Variants in ATAD3A observed in about 807,000 individuals in gnomAD.
ATAD3A encodes the protein ATPase family AAA domain containing 3A, also known as ATPase family AAA domain-containing protein 3A.
Under a neutral mutation model 73.8 loss-of-function variants are expected in ATAD3A, and 46 were observed. The observed-to-expected ratio is 0.62, with a 90% confidence interval of 0.49 to 0.80. The LOEUF (loss-of-function observed/expected upper bound fraction) is 0.80. Among genes scored for constraint, ATAD3A ranks in the 30% least tolerant of loss-of-function variants. The pLI is 0.00. For missense variants in ATAD3A, 705 were observed against 838.0 expected, an observed-to-expected ratio of 0.84 and a Z score of 1.96; for synonymous variants, 319 against 350.0, an observed-to-expected ratio of 0.91 and a Z score of 0.99.
chr1:1,514,811 C>T (rs186440033), intron 1 of ATAD3A, among the ~76,000 whole-genome samples: 64 of 152,328 alleles, frequency 4.2e-4, no homozygotes, highest in Non-Finnish European at 8.1e-4. Flanking sequence ...GAACAACGCA[C>T]CAACCCAGGA....
At chr1:1,526,365 C>T in intron 12 of ATAD3A, 96 bp from the exon 13 acceptor site, 1 of 1,567,106 alleles carries the variant, frequency 6.4e-7, no homozygotes, top group Non-Finnish European at 8.6e-7. Context: ...CGCCATGTCC[C>T]TGCTCCCTGC....
In ATAD3A at chr1:1,516,207, C is replaced by G. The variant is rs1641352823; in HGVS notation, c.282+119C>G. ...GTGTGTACATGGGCAGCAGTGGGGC[C>G]CAGGGCCAAGCTTGGGCGCCTCATT... is the stretch of plus-strand genomic sequence containing the variant. On this transcript the variant is annotated intron_variant, in intron 2 of 15. Coordinates refer to ENST00000378756, the MANE Select transcript of ATAD3A (RefSeq NM_001170535.3). 7 of 1,472,198 alleles carry G rather than the reference C, an allele frequency of 4.8e-6. No individual in the cohort carries two copies. The South Asian group carries it at 4.8e-5, about 10-fold the overall frequency. 91.2% of individuals were successfully genotyped at this position (1,472,198 alleles called of 1,614,324 possible).
At chr1:1,515,985 C>CT (rs1641341224) in intron 1 of ATAD3A, 27 bp from the exon 2 acceptor site, 1 of 1,613,408 alleles carries the variant, frequency 6.2e-7, no homozygotes, top group Non-Finnish European at 8.5e-7. Flanking sequence ...ATCCTAACAC[C>CT]TGCCCTCCGT....
chr1:1,520,244 C>G lies in ATAD3A; in HGVS notation c.618C>G (p.Ile206Met), dbSNP rs760701949. ...AGGCCGAGCGGGAGAATGCAGACAT[C>G]ATCCGCGAGCAGATCCGCCTGAAGG... ...RAKAERENAD[I>M]IREQIRLKAA... Residue 206 changes from isoleucine to methionine, a missense_variant, in exon 6 of 16, where the codon ATC becomes ATG. This residue lies in a region of ATAD3A where 315 missense variants were observed against 334.1 expected (regional missense o/e 0.94). Coordinates refer to ENST00000378756, the MANE Select transcript of ATAD3A (RefSeq NM_001170535.3). The surrounding 1 kb of genome is among the most constrained non-coding windows in gnomAD (Gnocchi z 4.0). The G allele has an allele frequency of 6.2e-7, 1 of 1,612,802 alleles. No individual in the cohort carries two copies. The highest frequency in any genetic ancestry group is 8.5e-7 in the Non-Finnish European group (1 of 1,179,644).
At position 1,520,754 on chromosome 1, in the gene ATAD3A, C is replaced by T. The variant is rs1290828539; in HGVS notation, c.750+137C>T. On this transcript the variant is annotated intron_variant, in intron 7 of 15. Coordinates refer to ENST00000378756, the MANE Select transcript of ATAD3A (RefSeq NM_001170535.3). This position sits in a 1 kb window ranked among gnomAD's most constrained non-coding sequence, Gnocchi z 4.0. ...CAGCAGGGAGGAAGCCCACGTTGTA[C>T]CTGCTGGCCTCGGCTTCTCCTCCCT... The T allele has an allele frequency of 2.7e-5, 38 of 1,386,242 alleles. No homozygotes were observed. The highest frequency in any genetic ancestry group is 3.5e-5 in the Non-Finnish European group (36 of 1,014,832). 85.9% of individuals were successfully genotyped at this position (1,386,242 alleles called of 1,614,324 possible). A position where few individuals can be genotyped will look rare whatever the true frequency, so the allele number is the denominator to read the frequency against.
intron 1 of ATAD3A, among the ~76,000 whole-genome samples, chr1:1,515,602 C>A (rs1300254552): frequency 6.6e-6 from 1 of 152,208 alleles, no homozygotes. Context: ...TATTCTTATT[C>A]ATTCCCTTTC....
At position 1,516,101 on chromosome 1, in the gene ATAD3A, G is replaced by T. The variant is rs368473476; in HGVS notation, c.282+13G>T. The T allele has an allele frequency of 3.1e-6, 5 of 1,612,858 alleles. No homozygotes were observed. The highest frequency in any genetic ancestry group is 4.2e-6 in the Non-Finnish European group (5 of 1,179,850). ...GTCCAAGCTCAAAGTGAGTGGGGCC[G>T]GTGTGGGTGGGGAGGCCGGGGCGCA... is the stretch of plus-strand genomic sequence containing the variant. On this transcript the variant is annotated intron_variant, in intron 2 of 15. Transcript: ENST00000378756.
chr1:1,525,181 C>A, intron 11 of ATAD3A, 59 bp from the exon 12 acceptor site: 1 of 1,610,502 alleles, frequency 6.2e-7, no homozygotes, highest in Middle Eastern at 2.0e-4. Context: ...CGGCCGGACG[C>A]TGCTGTGGGC....
intron 14 of ATAD3A, 31 bp downstream of exon 14, chr1:1,527,893 A>G: frequency 6.3e-7 from 1 of 1,598,988 alleles, no homozygotes; most frequent in Non-Finnish European, 8.5e-7. Flanking sequence ...GCCCCCGTCC[A>G]GGGGCCCTCG....
intron 2 of ATAD3A, chr1:1,517,088 CG>C (rs1641383989): frequency 2.6e-6 from 4 of 1,525,402 alleles, no homozygotes; most frequent in East Asian, 4.9e-5. Flanking sequence ...GCCTCCCTCC[CG>C]GGGGGCCTTC....
rs149656028 is a variant in ATAD3A, at chr1:1,530,281, T to C, written c.1614+950T>C. Among the ~76,000 whole-genome samples, 955 of 152,224 alleles carry C rather than the reference T, an allele frequency of 6.3e-3. 7 individuals are homozygous for C. Among genetic ancestry groups the C allele is most frequent in the African/African-American group, 0.021 (873 of 41,490 alleles). ...CGGGTATGGTGGTGGCTGACGCTTG[T>C]ATTCCCAGCATTTGGGGAGGCCAAG... On this transcript the variant is annotated intron_variant, in intron 15 of 15. Coordinates refer to ENST00000378756, the MANE Select transcript of ATAD3A (RefSeq NM_001170535.3).
intron 14 of ATAD3A, among the ~76,000 whole-genome samples, chr1:1,528,619 C>G (rs1641929542): frequency 6.6e-6 from 1 of 152,256 alleles, no homozygotes; most frequent in Non-Finnish European, 1.5e-5. Context: ...ATGAGGGGCC[C>G]TGGCACCACA....
chr1:1,514,659 G>A (rs1471329991), intron 1 of ATAD3A, among the ~76,000 whole-genome samples: 7 of 152,152 alleles, frequency 4.6e-5, no homozygotes, highest in East Asian at 1.9e-4. Context: ...TGCTCCCCAC[G>A]GCACTTCCCC....
chr1:1,515,435 G>A (rs540198231), intron 1 of ATAD3A, among the ~76,000 whole-genome samples: 1 of 152,136 alleles, frequency 6.6e-6, no homozygotes, highest in African/African-American at 2.4e-5. Context: ...AAAATTTTGA[G>A]ACCTGATGCT....
intron 2 of ATAD3A, 65 bp from the exon 3 acceptor site, chr1:1,517,246 A>C: frequency 6.5e-7 from 1 of 1,547,018 alleles, no homozygotes; most frequent in Non-Finnish European, 8.7e-7. Flanking sequence ...GTGCAGACAC[A>C]GGAGCGGCTG....
chr1:1,518,619 A>ACCCCCCC (rs200128053), intron 4 of ATAD3A, among the ~76,000 whole-genome samples: 1 of 50,612 alleles, frequency 2.0e-5, no homozygotes, highest in Admixed American at 2.5e-4. Flanking sequence ...ACGGGCGTAC[A>ACCCCCCC]CACCCCCCCC....
chr1:1,521,961 T>A (rs189196817), intron 7 of ATAD3A, among the ~76,000 whole-genome samples: 48 of 152,362 alleles, frequency 3.2e-4, no homozygotes, highest in African/African-American at 1.0e-3. Context: ...ACTTCTGACC[T>A]TAAGTGATCC....
At position 1,519,977 on chromosome 1, in the gene ATAD3A, T is replaced by C. The variant is rs1016767824; in HGVS notation, c.515-164T>C. ...GTCCGTGGCCTTAGCCTGTCAGCAGTGTGGGCCTGTCCATGGCGTGGGCCG... is the reference window on the plus strand; with the variant it reads ...GTCCGTGGCCTTAGCCTGTCAGCAGCGTGGGCCTGTCCATGGCGTGGGCCG... On this transcript the variant is annotated intron_variant, in intron 5 of 15. Coordinates refer to ENST00000378756, the MANE Select transcript of ATAD3A (RefSeq NM_001170535.3). Among the ~76,000 whole-genome samples the C allele has an allele frequency of 1.1e-4, 16 of 150,966 alleles. 1 individual carries two copies. Among genetic ancestry groups the C allele is most frequent in the Non-Finnish European group, 1.9e-4 (13 of 67,956 alleles).
intron 4 of ATAD3A, among the ~76,000 whole-genome samples, 153 bp downstream of exon 4, chr1:1,517,928 C>T (rs2100650147): frequency 6.6e-6 from 1 of 152,150 alleles, no homozygotes; most frequent in Non-Finnish European, 1.5e-5. Context: ...CAGACACGCA[C>T]CAGCACACGT....
Sources: allele counts gnomAD v4.1 joint callset (sites outside exome capture counted in the v4.1 genomes callset), GRCh38; gene constraint gnomAD v4.1.1; regional missense constraint gnomAD v4.1.1; non-coding constraint Gnocchi (gnomAD v3.1); transcripts MANE v1.5; gene names NCBI Gene and HGNC (gene_info 2026-07-23, HGNC 2026-07-21).